Variants in IQSEC1 observed in about 807,000 individuals in gnomAD.
IQSEC1 encodes the protein IQ motif and Sec7 domain ArfGEF 1.
IQSEC1 carries 31 observed loss-of-function variants against 91.0 expected under a neutral mutation model. That is an observed-to-expected ratio of 0.34 (90% CI 0.26 to 0.46). The LOEUF is 0.46. Ranked by LOEUF, IQSEC1 falls within the 20% of genes least tolerant of loss-of-function variation. The pLI is 1.00. For missense variants in IQSEC1, 1,388 were observed against 1,575.6 expected (o/e 0.88, Z 2.02); for synonymous variants, 699 against 662.6 (o/e 1.05, Z -0.84).
chr3:13,028,097 C>T (rs113006703), intron 1 of IQSEC1, among the ~76,000 whole-genome samples: 7 of 152,286 alleles, frequency 4.6e-5, no homozygotes, highest in African/African-American at 1.7e-4. Context: ...CAAAGCCCCG[C>T]AGGGCTGATA....
chr3:13,256,783 C>G (rs1695293177), intron 1 of IQSEC1, among the ~76,000 whole-genome samples: 1 of 152,160 alleles, frequency 6.6e-6, no homozygotes, highest in Non-Finnish European at 1.5e-5. Context: ...GTGGCAAACA[C>G]CATGGAGAGA....
chr3:12,985,113 C>G (rs866040515), intron 1 of IQSEC1, among the ~76,000 whole-genome samples: 1 of 152,148 alleles, frequency 6.6e-6, no homozygotes, highest in Non-Finnish European at 1.5e-5. Flanking sequence ...CGTGAGCCAC[C>G]GCGCCCAGCC....
chr3:13,096,167 CTT>C (rs1705951307), intron 2 of IQSEC1, among the ~76,000 whole-genome samples: 1 of 151,972 alleles, frequency 6.6e-6, no homozygotes, highest in Non-Finnish European at 1.5e-5. Flanking sequence ...CCTATCCCCT[CTT>C]TTTCTTCTCA....
intron 2 of IQSEC1, among the ~76,000 whole-genome samples, chr3:13,086,350 A>G (rs1182340498): frequency 6.6e-6 from 1 of 152,198 alleles, no homozygotes; most frequent in East Asian, 1.9e-4. Flanking sequence ...TGTCACCATC[A>G]TCATGACAGC....
At chr3:13,143,203 T>A (rs889033722) in intron 2 of IQSEC1, among the ~76,000 whole-genome samples, 1 of 152,288 alleles carries the variant, frequency 6.6e-6, no homozygotes, top group East Asian at 1.9e-4. Context: ...GGCTGGCACA[T>A]GGAGGGCACT....
intron 1 of IQSEC1, among the ~76,000 whole-genome samples, chr3:13,190,391 C>A (rs758817766): frequency 4.1e-4 from 61 of 150,226 alleles, no homozygotes; most frequent in Non-Finnish European, 7.4e-4. Context: ...GAGAGCAAAA[C>A]CTCATCTCTA....
At chr3:13,133,937 C>T (rs1196237134) in intron 2 of IQSEC1, among the ~76,000 whole-genome samples, 6 of 152,180 alleles carry the variant, frequency 3.9e-5, no homozygotes, top group African/African-American at 1.4e-4. Flanking sequence ...GGGAAGACAC[C>T]TAGCCTTCAC....
intron 1 of IQSEC1, among the ~76,000 whole-genome samples, chr3:12,988,881 C>T (rs1437242959): frequency 1.3e-5 from 2 of 152,196 alleles, no homozygotes; most frequent in African/African-American, 2.4e-5. Flanking sequence ...ACTGCAGAGC[C>T]ACCAGGCAGC....
At position 13,102,058 on chromosome 3, in the gene IQSEC1, G is replaced by A. The variant is rs576538913; in HGVS notation, c.303-54536C>T. On this transcript the variant is annotated intron_variant, in intron 2 of 15. Transcript: ENST00000648114. ...TTTGGGAGGCTGAGGCAAGTGGATC[G>A]CTTGAGCCCAGGAGTTTGAGACCAG... Among the ~76,000 whole-genome samples, 126 of 151,986 alleles carry A rather than the reference G, an allele frequency of 8.3e-4. 1 individual carries two copies. Among genetic ancestry groups the A allele is most frequent in the African/African-American group, 2.9e-3 (121 of 41,514 alleles).
intron 2 of IQSEC1, among the ~76,000 whole-genome samples, chr3:13,093,534 C>G (rs1222995116): frequency 6.6e-6 from 1 of 152,156 alleles, no homozygotes. Context: ...AGGGCAGGAA[C>G]TGGGGAGGCA....
chr3:13,131,270 C>T (rs1042521396), intron 2 of IQSEC1, among the ~76,000 whole-genome samples: 3 of 151,856 alleles, frequency 2.0e-5, no homozygotes, highest in Non-Finnish European at 4.4e-5. Flanking sequence ...CTGAAACCTA[C>T]TTTGATATTA....
chr3:13,011,288 T>C (rs1018419140), intron 1 of IQSEC1, among the ~76,000 whole-genome samples: 10 of 152,216 alleles, frequency 6.6e-5, no homozygotes, highest in Non-Finnish European at 2.9e-5. Context: ...CCCATTTGGC[T>C]CAAGACAATG....
At chr3:13,200,506 T>C (rs1694224612) in intron 1 of IQSEC1, among the ~76,000 whole-genome samples, 1 of 152,174 alleles carries the variant, frequency 6.6e-6, no homozygotes, top group African/African-American at 2.4e-5. Flanking sequence ...GGGACTTCCA[T>C]AAAAATCCAG....
intron 1 of IQSEC1, among the ~76,000 whole-genome samples, chr3:13,061,554 C>T (rs113284477): frequency 2.0e-5 from 3 of 152,074 alleles, no homozygotes; most frequent in African/African-American, 2.4e-5. Flanking sequence ...CCAGCCCCCA[C>T]CAAGGTCCAC....
intron 1 of IQSEC1, among the ~76,000 whole-genome samples, chr3:13,277,229 C>T (rs1038446142): frequency 5.9e-5 from 9 of 151,538 alleles, no homozygotes; most frequent in African/African-American, 2.2e-4. Context: ...GCAAAAAACG[C>T]TGATGTCCCC....
intron 1 of IQSEC1, among the ~76,000 whole-genome samples, chr3:12,984,230 G>A (rs1701611722): frequency 6.6e-6 from 1 of 152,148 alleles, no homozygotes. Context: ...GTCCCTGGAG[G>A]GAGATTCTAG....
At chr3:13,049,739 A>G (rs1704624512) in intron 1 of IQSEC1, among the ~76,000 whole-genome samples, 1 of 151,498 alleles carries the variant, frequency 6.6e-6, no homozygotes, top group Non-Finnish European at 1.5e-5. Flanking sequence ...CACTTTCCTA[A>G]TAATAGCAAA....
chr3:13,202,576 T>G (rs754981899), intron 1 of IQSEC1, among the ~76,000 whole-genome samples: 1 of 150,994 alleles, frequency 6.6e-6, no homozygotes, highest in Non-Finnish European at 1.5e-5. Context: ...GTCCCTGGAG[T>G]AGTCAAACTC....
intron 1 of IQSEC1, among the ~76,000 whole-genome samples, chr3:13,265,892 A>T (rs752604067): frequency 4.5e-3 from 96 of 21,282 alleles, no homozygotes; most frequent in East Asian, 0.071. Context: ...CGGGCATTTA[A>T]AAAAAAAAAA....
Sources: allele counts gnomAD v4.1 joint callset (sites outside exome capture counted in the v4.1 genomes callset), GRCh38; gene constraint gnomAD v4.1.1; transcripts MANE v1.5; gene names NCBI Gene and HGNC (gene_info 2026-07-23, HGNC 2026-07-21).